The following CNTNAP5 variants were observed in gnomAD, a reference collection of about 807,000 sequenced individuals.
CNTNAP5 encodes the protein contactin-associated protein-like 5.
Under a neutral mutation model 150.2 loss-of-function variants are expected in CNTNAP5, and 72 were observed. The observed-to-expected ratio is 0.48, with a 90% confidence interval of 0.40 to 0.58. The LOEUF (loss-of-function observed/expected upper bound fraction) is 0.58, where lower values mean the gene tolerates loss of function less well. Ranked by LOEUF, CNTNAP5 falls within the 20% of genes least tolerant of loss-of-function variation. CNTNAP5 has a pLI of 0.00. For synonymous variants in CNTNAP5, 672 were observed against 619.8 expected (o/e 1.08, Z -1.25); for missense variants, 1,636 against 1,626.2 (o/e 1.01, Z -0.10).
chr2:124,920,058 C>T lies in CNTNAP5; in HGVS notation c.*5770C>T, dbSNP rs1339870611. ...GTACCGCCAGGGACCTACCATCTAA[C>T]ACCATCTGGGAACACTATTTTTTCT... On this transcript the variant is annotated 3_prime_UTR_variant, in exon 24 of 24. Transcript: ENST00000682447. 2.0e-5 allele frequency among the ~76,000 whole-genome samples: 3 copies of T among 152,118 alleles called. No individual in the cohort carries two copies. The highest frequency in any genetic ancestry group is 4.4e-5 in the Non-Finnish European group (3 of 68,024).
At chr2:124,114,597 A>G (rs1683381024) in intron 1 of CNTNAP5, among the ~76,000 whole-genome samples, 2 of 151,918 alleles carry the variant, frequency 1.3e-5, no homozygotes, top group Non-Finnish European at 2.9e-5. Flanking sequence ...TTCTGGTCCT[A>G]ATATTTAAAT....
At chr2:124,497,266 G>A (rs372891371) in intron 7 of CNTNAP5, among the ~76,000 whole-genome samples, 1 of 152,170 alleles carries the variant, frequency 6.6e-6, no homozygotes, top group Non-Finnish European at 1.5e-5. Flanking sequence ...CAAAAGGAAT[G>A]TGCTTGAATA....
chr2:124,409,859 T>C (rs915777537), intron 3 of CNTNAP5, among the ~76,000 whole-genome samples: 1 of 151,772 alleles, frequency 6.6e-6, no homozygotes, highest in Non-Finnish European at 1.5e-5. Context: ...AATGACAGGA[T>C]CAAATTCACA....
intron 13 of CNTNAP5, among the ~76,000 whole-genome samples, chr2:124,679,883 G>A (rs941383141): frequency 2.0e-5 from 3 of 151,804 alleles, no homozygotes; most frequent in African/African-American, 4.8e-5. Flanking sequence ...ATTACGGTTT[G>A]TCTTGAGTTC....
chr2:124,161,563 G>C (rs1022168062), intron 1 of CNTNAP5, among the ~76,000 whole-genome samples: 5 of 152,144 alleles, frequency 3.3e-5, no homozygotes, highest in African/African-American at 1.2e-4. Context: ...GTTTCAAAAT[G>C]TATTAAGTAT....
intron 1 of CNTNAP5, among the ~76,000 whole-genome samples, chr2:124,216,436 C>T (rs893877523): frequency 7.2e-5 from 11 of 151,786 alleles, no homozygotes; most frequent in South Asian, 2.1e-4. Flanking sequence ...ATGTGCACAA[C>T]GTGCGGGTTT....
At position 124,773,005 on chromosome 2, in the gene CNTNAP5, C is replaced by T; in HGVS notation, c.2740C>T (p.Gln914Ter). 1 of 1,612,810 alleles carries T rather than the reference C, an allele frequency of 6.2e-7. No homozygotes were observed. Among genetic ancestry groups the T allele is most frequent in the East Asian group, 2.2e-5 (1 of 44,846 alleles). ...CCATTTTCGACTGCAGCTGAACAGC[C>T]AGTTGTTTGTAGGTAGGGGACATCT... ...EGHFRLQLNS[Q>*]LFVGGTSSRQ... The change falls in exon 17 of 24, where the codon CAG becomes TAG. Residue 914 changes from glutamine (Q) to a stop codon, truncating the protein, a stop_gained. Coordinates refer to ENST00000682447, the MANE Select transcript of CNTNAP5 (RefSeq NM_001367498.1). LOFTEE classifies it high-confidence loss of function.
Position 124,145,826 on chromosome 2 carries a change from A to C in CNTNAP5, c.83-75879A>C, listed in dbSNP as rs1381192869. Reference sequence around the variant, plus strand: ...AAAAAAAACATTAAAAAAAAAAAAAAAAGAAGAAAAAAAAAAAAAATAAAA... The same window carrying C: ...AAAAAAAACATTAAAAAAAAAAAAACAAGAAGAAAAAAAAAAAAAATAAAA... On this transcript the variant is annotated intron_variant, in intron 1 of 23. Coordinates refer to ENST00000682447, the MANE Select transcript of CNTNAP5 (RefSeq NM_001367498.1). Among the ~76,000 whole-genome samples the C allele has an allele frequency of 3.8e-3, 14 of 3,678 alleles. 1 individual carries two copies. The highest frequency in any genetic ancestry group is 6.2e-3 in the African/African-American group (13 of 2,082). 2.4% of individuals were successfully genotyped at this position (3,678 alleles called of 152,430 possible).
intron 1 of CNTNAP5, among the ~76,000 whole-genome samples, chr2:124,031,188 C>A (rs1681039694): frequency 6.6e-6 from 1 of 151,876 alleles, no homozygotes; most frequent in African/African-American, 2.4e-5. Flanking sequence ...TCAGGCATAT[C>A]AAGTGTCCCT....
At chr2:124,906,029 C>G (rs575633059) in intron 22 of CNTNAP5, among the ~76,000 whole-genome samples, 7 of 152,236 alleles carry the variant, frequency 4.6e-5, no homozygotes, top group African/African-American at 1.7e-4. Context: ...CTCTAGGAAT[C>G]AGCTAGCCCT....
At chr2:124,102,529 G>A (rs1320113596) in intron 1 of CNTNAP5, among the ~76,000 whole-genome samples, 1 of 152,182 alleles carries the variant, frequency 6.6e-6, no homozygotes, top group Non-Finnish European at 1.5e-5. Flanking sequence ...TGCTTCTGCT[G>A]TAGAGAAATG....
At chr2:124,160,103 C>T (rs1225825732) in intron 1 of CNTNAP5, among the ~76,000 whole-genome samples, 1 of 152,094 alleles carries the variant, frequency 6.6e-6, no homozygotes, top group Admixed American at 6.6e-5. Flanking sequence ...ATGGAAGTCC[C>T]AGTATCTGCA....
chr2:124,550,371 C>T (rs560458218), intron 10 of CNTNAP5, among the ~76,000 whole-genome samples: 64 of 152,168 alleles, frequency 4.2e-4, no homozygotes, highest in Non-Finnish European at 7.5e-4. Flanking sequence ...ATTATAAATG[C>T]GGAACCTCTG....
chr2:124,482,565 A>G (rs967808641), intron 7 of CNTNAP5, among the ~76,000 whole-genome samples: 1 of 152,172 alleles, frequency 6.6e-6, no homozygotes, highest in Non-Finnish European at 1.5e-5. Flanking sequence ...ATCTCTGAGT[A>G]TTGAAGACCA....
At chr2:124,360,115 C>A (rs1158186052) in intron 3 of CNTNAP5, among the ~76,000 whole-genome samples, 2 of 144,208 alleles carry the variant, frequency 1.4e-5, no homozygotes, top group Non-Finnish European at 3.0e-5. Context: ...TTATCAGAGA[C>A]TAGGATTGCA....
intron 19 of CNTNAP5, among the ~76,000 whole-genome samples, chr2:124,829,646 G>C (rs1401045200): frequency 6.6e-6 from 1 of 151,486 alleles, no homozygotes; most frequent in Non-Finnish European, 1.5e-5. Flanking sequence ...ACATGCATTT[G>C]CATATTTTTT....
chr2:124,519,054 CATT>C (rs1286757385), intron 8 of CNTNAP5, among the ~76,000 whole-genome samples: 4 of 105,918 alleles, frequency 3.8e-5, no homozygotes, highest in African/African-American at 1.4e-4. Context: ...ATCTTAAAAA[CATT>C]ATGCTAAGGA....
intron 16 of CNTNAP5, among the ~76,000 whole-genome samples, chr2:124,767,513 T>A (rs938311417): frequency 6.6e-6 from 1 of 152,316 alleles, no homozygotes; most frequent in Middle Eastern, 3.4e-3. Context: ...TGAGAGTCAG[T>A]CTGGCATAGT....
At chr2:124,312,451 GC>G (rs1019738806) in intron 3 of CNTNAP5, among the ~76,000 whole-genome samples, 11 of 141,618 alleles carry the variant, frequency 7.8e-5, no homozygotes, top group Non-Finnish European at 3.0e-5. Context: ...CTCCCCACCC[GC>G]CCCCCGGCTT....
Sources: allele counts gnomAD v4.1 joint callset (sites outside exome capture counted in the v4.1 genomes callset), GRCh38; gene constraint gnomAD v4.1.1; transcripts MANE v1.5; gene names NCBI Gene and HGNC (gene_info 2026-07-23, HGNC 2026-07-21).